The following DACH2 variants were observed in gnomAD, a reference collection of about 807,000 sequenced individuals.
DACH2 encodes dachshund family transcription factor 2, also known as dachshund homolog 2.
A neutral mutation model predicts 35.8 loss-of-function variants in DACH2; 17 were observed. The observed-to-expected ratio is 0.48, with a 90% CI of 0.33 to 0.71. DACH2 has a LOEUF of 0.71. Among genes scored for constraint, DACH2 ranks in the 30% least tolerant of loss-of-function variants. The probability of loss-of-function intolerance (pLI) is 0.02; values close to 1 mark genes in which losing one functional copy is unlikely to be tolerated. For missense variants in DACH2, 469 were observed against 472.7 expected, an observed-to-expected ratio of 0.99 and a Z score of 0.07; for synonymous variants, 195 against 177.3, an observed-to-expected ratio of 1.10 and a Z score of -0.79.
Position 86,832,020 on chromosome X carries a change from G to A in DACH2, c.1751-86G>A, listed in dbSNP as rs182865671. On this transcript the variant is annotated intron_variant, in intron 11 of 11. Transcript: ENST00000373125. ...AGCCTGTTACATCAGATCATTTTAG[G>A]TTCCTGAAGATAGAAGTTTTAGTAT... 1.7e-5 allele frequency: 10 copies of A among 605,394 alleles called. No individual in the cohort carries two copies. The Admixed American group carries it at 3.0e-4, about 18-fold the overall frequency. The allele number at this position is 605,394 out of a possible 1,213,427, so 49.9% of individuals were successfully genotyped here.
intron 4 of DACH2, among the ~76,000 whole-genome samples, chrX:86,664,937 T>C (rs1472525767): frequency 1.8e-5 from 2 of 111,964 alleles, no homozygotes; most frequent in Non-Finnish European, 3.8e-5. Flanking sequence ...ATGCCTAGGC[T>C]GTTATTTTAG....
At chrX:86,194,660 G>C (rs781274345) in intron 1 of DACH2, among the ~76,000 whole-genome samples, 15 of 112,651 alleles carry the variant, frequency 1.3e-4, no homozygotes, top group Admixed American at 2.8e-4. Flanking sequence ...GACCACCATG[G>C]ACACTTGAGT....
intron 3 of DACH2, among the ~76,000 whole-genome samples, chrX:86,623,768 G>T (rs749983529): frequency 1.0e-5 from 1 of 99,069 alleles, no homozygotes; most frequent in Admixed American, 1.0e-4. Flanking sequence ...AAAAAGTGGC[G>T]GCCGGGCGCG....
chrX:86,736,129 A>G (rs1304233231), intron 6 of DACH2, among the ~76,000 whole-genome samples: 1 of 111,194 alleles, frequency 9.0e-6, no homozygotes, highest in Non-Finnish European at 1.9e-5. Context: ...ATTTTAGGAG[A>G]ACTTAAACAT....
At chrX:86,318,998 T>C (rs1184008014) in intron 1 of DACH2, among the ~76,000 whole-genome samples, 1 of 112,358 alleles carries the variant, frequency 8.9e-6, no homozygotes, top group African/African-American at 3.2e-5. Context: ...TTGCTATTAA[T>C]GTTAAACCTA....
At chrX:86,250,681 C>T (rs1204001834) in intron 1 of DACH2, among the ~76,000 whole-genome samples, 2 of 111,063 alleles carry the variant, frequency 1.8e-5, no homozygotes, top group Non-Finnish European at 3.8e-5. Context: ...CTACAAAGTT[C>T]TAAGAGTGGG....
intron 4 of DACH2, among the ~76,000 whole-genome samples, chrX:86,692,207 A>G (rs1171710250): frequency 9.0e-6 from 1 of 111,336 alleles, no homozygotes; most frequent in African/African-American, 3.3e-5. Flanking sequence ...AGGAGATGGA[A>G]ACTACCTTTT....
chrX:86,281,563 T>G (rs1409915500), intron 1 of DACH2, among the ~76,000 whole-genome samples: 1 of 111,608 alleles, frequency 9.0e-6, no homozygotes, highest in African/African-American at 3.3e-5. Context: ...GGGCAAAAGC[T>G]GGAATCCTTC....
At chrX:86,391,952 T>C (rs2036210570) in intron 2 of DACH2, among the ~76,000 whole-genome samples, 1 of 111,468 alleles carries the variant, frequency 9.0e-6, no homozygotes, top group Admixed American at 9.6e-5. Flanking sequence ...TAATAATTTA[T>C]TTTTCATTTT....
At chrX:86,290,969 T>C (rs2034276140) in intron 1 of DACH2, among the ~76,000 whole-genome samples, 1 of 109,400 alleles carries the variant, frequency 9.1e-6, no homozygotes, top group Non-Finnish European at 1.9e-5. Context: ...AGAAAGTCAT[T>C]GGTAGCTTGA....
At chrX:86,759,936 G>T (rs1212720532) in intron 7 of DACH2, among the ~76,000 whole-genome samples, 1 of 111,530 alleles carries the variant, frequency 9.0e-6, no homozygotes, top group East Asian at 2.8e-4. Flanking sequence ...TTGTTTAGCT[G>T]GGAAAAAATT....
In DACH2 at chrX:86,532,243, T is replaced by C. The variant is rs1387746771; in HGVS notation, c.640+17852T>C. ...GGAATGAGTTAAGATTTTGGGGTAC[T>C]GTTGGGAAGGCATGATTGGTTTTCA... On this transcript the variant is annotated intron_variant, in intron 3 of 11. Coordinates refer to ENST00000373125, the MANE Select transcript of DACH2 (RefSeq NM_053281.3). Among the ~76,000 whole-genome samples the C allele has an allele frequency of 4.5e-5, 5 of 111,962 alleles. No individual in the cohort carries two copies. In the Admixed American group the frequency reaches 4.7e-4, roughly 11 times the overall value.
At chrX:86,753,799 C>T (rs931875140) in intron 7 of DACH2, among the ~76,000 whole-genome samples, 2 of 110,703 alleles carry the variant, frequency 1.8e-5, no homozygotes, top group African/African-American at 6.6e-5. Flanking sequence ...TAAGAGAGCG[C>T]TACTGACCTG....
rs777439593 is a variant in DACH2, at chrX:86,750,618, G to A, written c.1240+10736G>A. ...TGTCTCTCTCTCTACAGCTCCTGGCGACGACTATTCACTCTCTGTTTCTAT... is the reference window on the plus strand; with the variant it reads ...TGTCTCTCTCTCTACAGCTCCTGGCAACGACTATTCACTCTCTGTTTCTAT... On this transcript the variant is annotated intron_variant, in intron 7 of 11. Transcript: ENST00000373125. Among the ~76,000 whole-genome samples, 8 of 110,854 alleles carry A rather than the reference G, an allele frequency of 7.2e-5. No individual in the cohort carries two copies. The East Asian group carries it at 2.0e-3, about 28-fold the overall frequency.
chrX:86,294,680 G>GCCC (rs1461231779), intron 1 of DACH2, among the ~76,000 whole-genome samples: 8 of 110,368 alleles, frequency 7.2e-5, no homozygotes, highest in Non-Finnish European at 1.3e-4. Flanking sequence ...GGAGTACTCT[G>GCCC]TGTGAGGTGT....
rs902280123 is a variant in DACH2, at chrX:86,642,530, C to T, written c.641-8506C>T. 2.7e-5 allele frequency among the ~76,000 whole-genome samples: 3 copies of T among 111,639 alleles called. No individual in the cohort carries two copies. The South Asian group carries it at 1.1e-3, about 42-fold the overall frequency. On this transcript the variant is annotated intron_variant, in intron 3 of 11. Transcript: ENST00000373125. The stretch of plus-strand genomic sequence containing the variant: ...GTGGGAGACTTCAACACTCCACTGA[C>T]AGCATTAGATAGATCATTGAGGAAG...
At chrX:86,631,745 G>A (rs749863205) in intron 3 of DACH2, among the ~76,000 whole-genome samples, 24 of 111,505 alleles carry the variant, frequency 2.2e-4, no homozygotes, top group African/African-American at 7.5e-4. Flanking sequence ...TAATATGATG[G>A]GAAGGACATA....
chrX:86,624,569 C>T (rs1327859883), intron 3 of DACH2, among the ~76,000 whole-genome samples: 1 of 111,757 alleles, frequency 8.9e-6, no homozygotes, highest in African/African-American at 3.3e-5. Context: ...TGATTTATGC[C>T]AATCTGTTTG....
chrX:86,301,645 T>G, intron 1 of DACH2, among the ~76,000 whole-genome samples: 1 of 111,917 alleles, frequency 8.9e-6, no homozygotes, highest in Admixed American at 9.6e-5. Context: ...ACAAATCCTT[T>G]ATTATCACAT....
Sources: gnomAD v4.1 joint callset for allele counts (sites outside exome capture counted in the v4.1 genomes callset) on GRCh38, gnomAD v4.1.1 for gene constraint, MANE v1.5 for transcripts, NCBI Gene and HGNC (gene_info 2026-07-23, HGNC 2026-07-21) for gene names.